CCSER1: variants seen among roughly 807,000 people sequenced by gnomAD.
The protein encoded by CCSER1 is coiled-coil serine rich protein 1.
Under a neutral mutation model 82.0 loss-of-function variants are expected in CCSER1, and 41 were observed. That is an observed-to-expected ratio of 0.50 (90% CI 0.39 to 0.65). The LOEUF is 0.65. CCSER1 is among the 30% of genes least tolerant of loss of function. The probability of loss-of-function intolerance (pLI) is 0.00; values close to 1 mark genes in which losing one functional copy is unlikely to be tolerated. For synonymous variants in CCSER1, 414 were observed against 383.9 expected, an observed-to-expected ratio of 1.08 and a Z score of -0.92; for missense variants, 1,119 against 1,064.2, an observed-to-expected ratio of 1.05 and a Z score of -0.72.
intron 9 of CCSER1, among the ~76,000 whole-genome samples, chr4:91,055,109 GT>G (rs1432321351): frequency 5.9e-5 from 9 of 151,994 alleles, no homozygotes; most frequent in African/African-American, 2.2e-4. Context: ...TTTTTATAAT[GT>G]TTTTATTCCT....
intron 10 of CCSER1, among the ~76,000 whole-genome samples, chr4:91,377,003 C>T (rs534978224): frequency 0.015 from 2,309 of 149,082 alleles, 23 homozygotes; most frequent in Non-Finnish European, 0.025. Context: ...TGTGGTGTTT[C>T]GTTTTTTGTC....
chr4:91,334,994 G>A (rs1445991735), intron 10 of CCSER1, among the ~76,000 whole-genome samples: 3 of 151,260 alleles, frequency 2.0e-5, no homozygotes, highest in African/African-American at 7.3e-5. Flanking sequence ...ATGAAATAAA[G>A]CTTTTAAATG....
At chr4:91,408,259 TAC>T (rs1372059488) in intron 10 of CCSER1, among the ~76,000 whole-genome samples, 1 of 152,250 alleles carries the variant, frequency 6.6e-6, no homozygotes, top group Non-Finnish European at 1.5e-5. Flanking sequence ...CTTTTATGGA[TAC>T]AGAGACAAAT....
intron 10 of CCSER1, among the ~76,000 whole-genome samples, chr4:91,089,650 T>G (rs1723746262): frequency 6.6e-6 from 1 of 152,198 alleles, no homozygotes. Flanking sequence ...TTTTTATCAT[T>G]TGAAGAAGTA....
intron 1 of CCSER1, among the ~76,000 whole-genome samples, chr4:90,232,093 G>A (rs1430244321): frequency 4.6e-5 from 7 of 152,166 alleles, no homozygotes; most frequent in African/African-American, 1.7e-4. Context: ...AGCTACCACT[G>A]ACTTTCTTCA....
rs567415684 is a variant in CCSER1 at position 90,766,137 on chromosome 4, T to G, written c.2010+42146T>G. Among the ~76,000 whole-genome samples the G allele has an allele frequency of 9.2e-5, 14 of 152,256 alleles. No individual in the cohort carries two copies. The East Asian group carries it at 2.3e-3, about 25-fold the overall frequency. On this transcript the variant is annotated intron_variant, in intron 7 of 10. Transcript: ENST00000509176. ...TTTAGAGCATAAATTTTTAGAAATTTGGGGACTTGTCATATGCCAAAATCT... is the reference window on the plus strand; with the variant it reads ...TTTAGAGCATAAATTTTTAGAAATTGGGGGACTTGTCATATGCCAAAATCT...
intron 10 of CCSER1, among the ~76,000 whole-genome samples, chr4:91,139,985 T>C (rs1003721083): frequency 1.3e-5 from 2 of 152,140 alleles, no homozygotes; most frequent in Admixed American, 1.3e-4. Flanking sequence ...GTAAGTTAAA[T>C]ATTTCTTGTT....
At chr4:91,087,823 C>T (rs1018955245) in intron 10 of CCSER1, among the ~76,000 whole-genome samples, 1 of 152,068 alleles carries the variant, frequency 6.6e-6, no homozygotes, top group Admixed American at 6.5e-5. Flanking sequence ...GTTACTTAAG[C>T]ATATTTCTAT....
intron 3 of CCSER1, among the ~76,000 whole-genome samples, chr4:90,365,764 C>T (rs1746176460): frequency 6.6e-6 from 1 of 151,830 alleles, no homozygotes; most frequent in Admixed American, 6.6e-5. Flanking sequence ...TCTTTTAAAC[C>T]ATGTTTAAAG....
chr4:91,123,601 C>T (rs1727270481), intron 10 of CCSER1, among the ~76,000 whole-genome samples: 1 of 151,664 alleles, frequency 6.6e-6, no homozygotes, highest in African/African-American at 2.4e-5. Context: ...GACTTTGATT[C>T]TGGGCAAATT....
intron 10 of CCSER1, among the ~76,000 whole-genome samples, chr4:91,577,405 C>CAAAG (rs1487633229): frequency 6.6e-6 from 1 of 151,828 alleles, no homozygotes; most frequent in African/African-American, 2.4e-5. Flanking sequence ...AATTACATTT[C>CAAAG]AAAGAGAACT....
At chr4:91,384,266 C>T (rs2149342186) in intron 10 of CCSER1, among the ~76,000 whole-genome samples, 1 of 152,078 alleles carries the variant, frequency 6.6e-6, no homozygotes, top group South Asian at 2.1e-4. Context: ...CTGAGTGAAT[C>T]CATGGTTGAC....
chr4:91,332,613 T>C (rs184638467), intron 10 of CCSER1, among the ~76,000 whole-genome samples: 1 of 151,992 alleles, frequency 6.6e-6, no homozygotes. Flanking sequence ...GTTGTAAGGA[T>C]TTATTACAGC....
intron 9 of CCSER1, among the ~76,000 whole-genome samples, chr4:91,050,744 G>A (rs1196238298): frequency 1.3e-5 from 2 of 152,118 alleles, no homozygotes; most frequent in Non-Finnish European, 2.9e-5. Flanking sequence ...AGCATCAGAG[G>A]CCAGTCCAGA....
intron 8 of CCSER1, among the ~76,000 whole-genome samples, chr4:90,922,760 G>T (rs1042583750): frequency 5.3e-5 from 8 of 152,000 alleles, no homozygotes; most frequent in Non-Finnish European, 7.4e-5. Context: ...AGAAGGGAAG[G>T]TCCCAGAAAA....
chr4:90,624,018 G>A (rs60548151), intron 5 of CCSER1, among the ~76,000 whole-genome samples: 4,356 of 152,266 alleles, frequency 0.029, 202 homozygotes, highest in African/African-American at 0.1. Context: ...GTTTTTAAAA[G>A]TTATTATTTT....
intron 10 of CCSER1, among the ~76,000 whole-genome samples, chr4:91,173,995 G>C (rs1733043149): frequency 1.3e-5 from 2 of 152,030 alleles, no homozygotes; most frequent in African/African-American, 4.8e-5. Context: ...CTTTACATAA[G>C]TACACATATC....
At chr4:91,151,324 A>G (rs1278869682) in intron 10 of CCSER1, among the ~76,000 whole-genome samples, 2 of 151,980 alleles carry the variant, frequency 1.3e-5, no homozygotes, top group African/African-American at 2.4e-5. Context: ...TATCCACTCT[A>G]TCATTTTTTA....
Position 91,528,018 on chromosome 4 carries a change from G to A in CCSER1, c.2218-70554G>A, listed in dbSNP as rs142932626. On this transcript the variant is annotated intron_variant, in intron 10 of 10. Coordinates refer to ENST00000509176, the MANE Select transcript of CCSER1 (RefSeq NM_001145065.2). ...CAACCTCCACTTCCCAGGATCGAAC[G>A]ATTCTCATGCCTCAGCCACCTGAGT... Among the ~76,000 whole-genome samples, 325 of 152,142 alleles carry A rather than the reference G, an allele frequency of 2.1e-3. 5 individuals are homozygous for A. Among genetic ancestry groups the A allele is most frequent in the Admixed American group, 0.014 (214 of 15,278 alleles).
Sources: allele counts gnomAD v4.1 joint callset (sites outside exome capture counted in the v4.1 genomes callset), GRCh38; gene constraint gnomAD v4.1.1; transcripts MANE v1.5; gene names NCBI Gene and HGNC (gene_info 2026-07-23, HGNC 2026-07-21).